Variants in PRDM16 observed in about 807,000 individuals in gnomAD.
The protein encoded by PRDM16 is histone-lysine N-methyltransferase PRDM16.
In PRDM16, 23 loss-of-function variants were observed where a neutral mutation model predicts 110.6. That is an observed-to-expected ratio of 0.21 (90% CI 0.15 to 0.29). PRDM16 has a LOEUF of 0.29. PRDM16 is among the 10% of genes least tolerant of loss of function. The probability of loss-of-function intolerance (pLI) is 1.00; values close to 1 mark genes in which losing one functional copy is unlikely to be tolerated. For missense variants in PRDM16, 1,615 were observed against 1,794.3 expected (o/e 0.90, Z 1.81); for synonymous variants, 799 against 781.8 (o/e 1.02, Z -0.37).
intron 3 of PRDM16, among the ~76,000 whole-genome samples, chr1:3,268,207 GGC>G (rs1640342186): frequency 6.6e-6 from 1 of 151,894 alleles, no homozygotes; most frequent in South Asian, 2.1e-4. Flanking sequence ...CCCCCGGCTC[GGC>G]GCGCGTCAGA....
chr1:3,296,901 G>T (rs2100376792), intron 3 of PRDM16, among the ~76,000 whole-genome samples: 1 of 152,306 alleles, frequency 6.6e-6, no homozygotes, highest in South Asian at 2.1e-4. Context: ...GAGCAGCACG[G>T]CTTAGCCTCA....
At chr1:3,313,941 A>G (rs1641530067) in intron 3 of PRDM16, among the ~76,000 whole-genome samples, 1 of 152,248 alleles carries the variant, frequency 6.6e-6, no homozygotes, top group South Asian at 2.1e-4. Context: ...GATTGTGGGG[A>G]AAACATCAGT....
At chr1:3,149,120 G>A (rs529238179) in intron 1 of PRDM16, among the ~76,000 whole-genome samples, 10 of 152,328 alleles carry the variant, frequency 6.6e-5, no homozygotes, top group African/African-American at 2.2e-4. Context: ...GGAAACAGTG[G>A]GGGACAGGGG....
At position 3,366,143 on chromosome 1, in the gene PRDM16, C is replaced by T. The variant is rs544635561; in HGVS notation, c.439-19009C>T. On this transcript the variant is annotated intron_variant, in intron 3 of 16. Coordinates refer to ENST00000270722, the MANE Select transcript of PRDM16 (RefSeq NM_022114.4). ...GACCTGTGGCTCAGGGGGGCTCTAG[C>T]GCCCCGATGTGCCGACAGCCGGAGA... is the stretch of plus-strand genomic sequence containing the variant. Among the ~76,000 whole-genome samples, 350 of 152,352 alleles carry T rather than the reference C, an allele frequency of 2.3e-3. 2 individuals are homozygous for T. Among genetic ancestry groups the T allele is most frequent in the African/African-American group, 8.0e-3 (334 of 41,594 alleles).
At chr1:3,241,107 AG>A (rs1639664053) in intron 2 of PRDM16, among the ~76,000 whole-genome samples, 1 of 152,206 alleles carries the variant, frequency 6.6e-6, no homozygotes, top group South Asian at 2.1e-4. Context: ...CCATTTTTCC[AG>A]CCGAGGTCAG....
rs1195394321 is a variant in PRDM16, at chr1:3,437,956, G to C, written c.*4145G>C. 1 of 220,030 alleles carries C rather than the reference G, an allele frequency of 4.5e-6. No homozygotes were observed. Among genetic ancestry groups the C allele is most frequent in the African/African-American group, 2.2e-5 (1 of 44,614 alleles). 13.6% of individuals were successfully genotyped at this position (220,030 alleles called of 1,614,324 possible). A position where few individuals can be genotyped will look rare whatever the true frequency, so the allele number is the denominator to read the frequency against. On this transcript the variant is annotated 3_prime_UTR_variant, in exon 17 of 17. Coordinates refer to ENST00000270722, the MANE Select transcript of PRDM16 (RefSeq NM_022114.4). ...CTTTGTCCCTTAAGGTCGATATAAA[G>C]AATCCTCGCAGAATCACAGACCTGT... is the stretch of plus-strand genomic sequence containing the variant.
At chr1:3,406,753 TA>T (rs1643569027) in intron 8 of PRDM16, among the ~76,000 whole-genome samples, 1 of 151,718 alleles carries the variant, frequency 6.6e-6, no homozygotes, top group Non-Finnish European at 1.5e-5. Flanking sequence ...GAAATAAAAA[TA>T]AATAAGAGAA....
At chr1:3,192,614 G>A (rs777959706) in intron 2 of PRDM16, among the ~76,000 whole-genome samples, 8 of 152,122 alleles carry the variant, frequency 5.3e-5, no homozygotes, top group African/African-American at 9.7e-5. Flanking sequence ...AGACCCCTCC[G>A]TCGGTCCTGG....
In PRDM16 at chr1:3,215,234, G is replaced by A. The variant is rs909774426; in HGVS notation, c.387+28760G>A. Among the ~76,000 whole-genome samples the A allele has an allele frequency of 2.6e-5, 4 of 151,936 alleles. No homozygotes were observed. The East Asian group carries it at 7.7e-4, about 29-fold the overall frequency. On this transcript the variant is annotated intron_variant, in intron 2 of 16. Coordinates refer to ENST00000270722, the MANE Select transcript of PRDM16 (RefSeq NM_022114.4). ...AAGGAATCTGTCATTCAATAAACAGGATCAGATGGCACAGAACAGAGCGGA... is the reference window on the plus strand; with the variant it reads ...AAGGAATCTGTCATTCAATAAACAGAATCAGATGGCACAGAACAGAGCGGA...
intron 1 of PRDM16, among the ~76,000 whole-genome samples, chr1:3,114,219 ACACACACG>A (rs879942433): frequency 2.2e-3 from 229 of 105,642 alleles, no homozygotes; most frequent in Non-Finnish European, 2.0e-3. Flanking sequence ...ACGCACACGA[ACACACACG>A]CACACACGCA....
chr1:3,311,876 G>C (rs1295611125), intron 3 of PRDM16, among the ~76,000 whole-genome samples: 3 of 152,220 alleles, frequency 2.0e-5, no homozygotes, highest in African/African-American at 7.2e-5. Flanking sequence ...CCTGGGTCCA[G>C]AGGGGCTGCA....
At chr1:3,276,853 G>A (rs1640596851) in intron 3 of PRDM16, among the ~76,000 whole-genome samples, 2 of 152,330 alleles carry the variant, frequency 1.3e-5, no homozygotes, top group African/African-American at 4.8e-5. Flanking sequence ...GGCCAACCTA[G>A]TGATGGAAAG....
chr1:3,161,650 G>A (rs924974112), intron 1 of PRDM16, among the ~76,000 whole-genome samples: 5 of 152,238 alleles, frequency 3.3e-5, no homozygotes, highest in Non-Finnish European at 5.9e-5. Context: ...CCCGCCCGGC[G>A]CGGAGAGGCC....
At chr1:3,383,343 A>G (rs370323256) in intron 3 of PRDM16, among the ~76,000 whole-genome samples, 6 of 152,216 alleles carry the variant, frequency 3.9e-5, no homozygotes, top group Admixed American at 1.3e-4. Context: ...ACCCCAATCT[A>G]TCTCACCCAG....
intron 3 of PRDM16, among the ~76,000 whole-genome samples, chr1:3,280,360 T>C (rs577049248): frequency 6.6e-6 from 1 of 152,344 alleles, no homozygotes; most frequent in Admixed American, 6.5e-5. Flanking sequence ...AGTGTGTGGC[T>C]CCCTGTCTCA....
intron 2 of PRDM16, among the ~76,000 whole-genome samples, chr1:3,191,033 C>T (rs1462579037): frequency 2.0e-5 from 3 of 152,232 alleles, no homozygotes; most frequent in South Asian, 4.1e-4. Context: ...TTGCTCACTG[C>T]ATCAGCCACT....
chr1:3,305,711 G>A (rs183786878), intron 3 of PRDM16, among the ~76,000 whole-genome samples: 11 of 152,382 alleles, frequency 7.2e-5, no homozygotes, highest in African/African-American at 2.4e-4. Flanking sequence ...AGGACTGCCA[G>A]GCCCAGCTCC....
intron 3 of PRDM16, among the ~76,000 whole-genome samples, chr1:3,279,192 A>G (rs977075236): frequency 6.6e-6 from 1 of 152,176 alleles, no homozygotes; most frequent in Non-Finnish European, 1.5e-5. Context: ...CCATGCCTGG[A>G]AAGACCGGCG....
intron 3 of PRDM16, among the ~76,000 whole-genome samples, chr1:3,336,234 G>A (rs572715177): frequency 4.4e-4 from 67 of 152,332 alleles, no homozygotes; most frequent in African/African-American, 1.1e-3. Flanking sequence ...GTGCACGTGC[G>A]TATATATGTA....
Sources: gnomAD v4.1 joint callset for allele counts (sites outside exome capture counted in the v4.1 genomes callset) on GRCh38, gnomAD v4.1.1 for gene constraint, MANE v1.5 for transcripts, NCBI Gene and HGNC (gene_info 2026-07-23, HGNC 2026-07-21) for gene names.